The following IQSEC1 variants were observed in gnomAD, a reference collection of about 807,000 sequenced individuals.
IQSEC1 encodes IQ motif and SEC7 domain-containing protein 1.
Under a neutral mutation model 91.0 loss-of-function variants are expected in IQSEC1, and 31 were observed. The observed-to-expected ratio is 0.34, with a 90% CI of 0.26 to 0.46. The LOEUF is 0.46. Among genes scored for constraint, IQSEC1 ranks in the 20% least tolerant of loss-of-function variants. The pLI, the probability that IQSEC1 is intolerant of heterozygous loss-of-function variation, is 1.00. For synonymous variants in IQSEC1, 699 were observed against 662.6 expected, an observed-to-expected ratio of 1.05 and a Z score of -0.84; for missense variants, 1,388 against 1,575.6, an observed-to-expected ratio of 0.88 and a Z score of 2.02.
At chr3:13,041,934 C>T (rs1290079527) in intron 1 of IQSEC1, among the ~76,000 whole-genome samples, 3 of 152,198 alleles carry the variant, frequency 2.0e-5, no homozygotes, top group Non-Finnish European at 2.9e-5. Flanking sequence ...CCCACGAGGT[C>T]GGAGCAAGTG....
chr3:13,271,642 A>T (rs953315583), intron 1 of IQSEC1, among the ~76,000 whole-genome samples: 2 of 152,228 alleles, frequency 1.3e-5, no homozygotes, highest in East Asian at 1.9e-4. Flanking sequence ...CAAAAATTTT[A>T]AAAATCAGCT....
intron 2 of IQSEC1, among the ~76,000 whole-genome samples, chr3:13,126,488 G>T (rs1397721240): frequency 3.3e-5 from 5 of 152,226 alleles, no homozygotes; most frequent in African/African-American, 1.2e-4. Flanking sequence ...GTATGTTTGT[G>T]TGCAAGTTTT....
intron 1 of IQSEC1, chr3:13,015,791 G>A (rs1166805091): frequency 4.3e-6 from 4 of 922,576 alleles, no homozygotes; most frequent in Non-Finnish European, 5.2e-6. Flanking sequence ...AGGCCCCCAG[G>A]CACTGCTGAG....
chr3:13,099,197 C>G (rs1262898955), intron 2 of IQSEC1, among the ~76,000 whole-genome samples: 1 of 152,106 alleles, frequency 6.6e-6, no homozygotes, highest in Non-Finnish European at 1.5e-5. Flanking sequence ...GCCATAGCCC[C>G]TGGAGAGGGG....
upstream of IQSEC1, among the ~76,000 whole-genome samples, chr3:13,076,010 A>G (rs1237512545): frequency 6.6e-6 from 1 of 152,202 alleles, no homozygotes; most frequent in Non-Finnish European, 1.5e-5. Context: ...CACCTCCCAG[A>G]TGCAAAGCCT....
chr3:13,153,747 T>C lies in IQSEC1; in HGVS notation c.302+10357A>G, dbSNP rs552708574. On this transcript the variant is annotated intron_variant, in intron 2 of 15. Transcript: ENST00000648114. ...GTAGCTATGAACAGGTGGCTCTGGA[T>C]TGTAGATGGTTTCTGTCCTTGTCTC... Among the ~76,000 whole-genome samples the C allele has an allele frequency of 1.1e-4, 16 of 152,252 alleles. No homozygotes were observed. The East Asian group carries it at 1.5e-3, about 15-fold the overall frequency.
At chr3:12,946,827 C>T (rs950316235) in intron 1 of IQSEC1, among the ~76,000 whole-genome samples, 1 of 152,210 alleles carries the variant, frequency 6.6e-6, no homozygotes, top group Non-Finnish European at 1.5e-5. Flanking sequence ...CAGCAGAAGA[C>T]AGTGTCTGGG....
At position 12,925,441 on chromosome 3, in the gene IQSEC1, C is replaced by T. The variant is rs1047876327; in HGVS notation, c.1569-699G>A. Among the ~76,000 whole-genome samples the T allele has an allele frequency of 2.9e-4, 44 of 152,218 alleles. 1 individual carries two copies. Among genetic ancestry groups the T allele is most frequent in the Admixed American group, 7.9e-4 (12 of 15,280 alleles). ...GGAGCCCAACAGCCATATAACCTTC[C>T]AGGGGTCCTGGCTTCCCCTGCTGTA... On this transcript the variant is annotated intron_variant, in intron 3 of 13. Coordinates refer to ENST00000613206, the MANE Select transcript of IQSEC1 (RefSeq NM_001134382.3).
intron 1 of IQSEC1, among the ~76,000 whole-genome samples, chr3:13,250,310 TGACAGAGGCTAG>T (rs1695171656): frequency 6.6e-6 from 1 of 152,074 alleles, no homozygotes; most frequent in African/African-American, 2.4e-5. Flanking sequence ...CTGTGTGGGA[TGACAGAGGCTAG>T]GACAAACGCG....
chr3:12,912,810 C>T (rs1695697102), intron 9 of IQSEC1, among the ~76,000 whole-genome samples: 1 of 152,178 alleles, frequency 6.6e-6, no homozygotes, highest in African/African-American at 2.4e-5. Context: ...TGGCTAGCAT[C>T]CATGCCACCT....
At chr3:13,013,970 C>T (rs946621367) in intron 1 of IQSEC1, among the ~76,000 whole-genome samples, 2 of 152,204 alleles carry the variant, frequency 1.3e-5, no homozygotes, top group African/African-American at 2.4e-5. Context: ...CTCTGATCTG[C>T]TCTGTGCCTC....
intron 2 of IQSEC1, among the ~76,000 whole-genome samples, chr3:13,157,050 C>T (rs1442301919): frequency 6.6e-6 from 1 of 152,216 alleles, no homozygotes; most frequent in Non-Finnish European, 1.5e-5. Flanking sequence ...TGACCAAGGT[C>T]ATTCAGCTTA....
intron 1 of IQSEC1, among the ~76,000 whole-genome samples, chr3:13,004,917 C>T (rs578110125): frequency 1.6e-4 from 24 of 152,318 alleles, no homozygotes; most frequent in Admixed American, 7.8e-4. Context: ...GGAGGTTACA[C>T]GGATTCCCAA....
At chr3:13,036,444 T>C (rs941746121) in intron 1 of IQSEC1, among the ~76,000 whole-genome samples, 2 of 152,086 alleles carry the variant, frequency 1.3e-5, no homozygotes, top group South Asian at 4.1e-4. Flanking sequence ...GTAATAATAA[T>C]AAACAAAAAT....
chr3:13,105,862 G>A (rs1381327298), intron 2 of IQSEC1, among the ~76,000 whole-genome samples: 1 of 152,228 alleles, frequency 6.6e-6, no homozygotes, highest in Non-Finnish European at 1.5e-5. Flanking sequence ...GGGATGGCTG[G>A]CCTGCAGCAT....
intron 1 of IQSEC1, among the ~76,000 whole-genome samples, chr3:13,181,217 G>C (rs988372898): frequency 1.3e-5 from 2 of 152,228 alleles, no homozygotes; most frequent in African/African-American, 2.4e-5. Flanking sequence ...CTTGCAGTGA[G>C]CCAAGATCAC....
rs541772405 is a variant in IQSEC1, at chr3:13,271,272, G to T, written c.272+11439C>A. ...GGAGCCTGTAGTCCCAGCTACTCGG[G>T]AGGCTGAGGCAGGAGAATGGCATGA... On this transcript the variant is annotated intron_variant, in intron 1 of 15. Transcript: ENST00000648114. 2.0e-5 allele frequency among the ~76,000 whole-genome samples: 3 copies of T among 152,288 alleles called. No homozygotes were observed. The South Asian group carries it at 6.2e-4, about 32-fold the overall frequency.
Position 13,207,543 on chromosome 3 carries a change from C to T in IQSEC1, c.273-43410G>A, listed in dbSNP as rs537337216. On this transcript the variant is annotated intron_variant, in intron 1 of 15. Coordinates refer to the IQSEC1 transcript ENST00000648114. The surrounding 1 kb of genome is among the most constrained non-coding windows in gnomAD (Gnocchi z 4.8). Reference sequence around the variant, plus strand: ...GTGCCAGTGGGTTCCCTTCGTACTCCACGCCAGTTCCCATTCGCAGCCCAG... The same window carrying T: ...GTGCCAGTGGGTTCCCTTCGTACTCTACGCCAGTTCCCATTCGCAGCCCAG... Among the ~76,000 whole-genome samples the T allele has an allele frequency of 5.3e-5, 8 of 152,314 alleles. No individual in the cohort carries two copies. The highest frequency in any genetic ancestry group is 1.7e-4 in the African/African-American group (7 of 41,556).
intron 1 of IQSEC1, among the ~76,000 whole-genome samples, chr3:13,004,758 A>G (rs1238696880): frequency 6.6e-6 from 1 of 152,088 alleles, no homozygotes; most frequent in Non-Finnish European, 1.5e-5. Flanking sequence ...GGAGGGAAGC[A>G]TTATCAAGGG....
Sources: gnomAD v4.1 joint callset for allele counts (sites outside exome capture counted in the v4.1 genomes callset) on GRCh38, gnomAD v4.1.1 for gene constraint, Gnocchi (gnomAD v3.1) non-coding constraint, MANE v1.5 for transcripts, NCBI Gene and HGNC (gene_info 2026-07-23, HGNC 2026-07-21) for gene names.